MEMO1: variants seen among roughly 807,000 people sequenced by gnomAD.
MEMO1 encodes protein MEMO1.
A neutral mutation model predicts 45.2 loss-of-function variants in MEMO1; 6 were observed. The observed-to-expected ratio is 0.13, with a 90% CI of 0.07 to 0.26. The LOEUF is 0.26. Ranked by LOEUF, MEMO1 falls within the 10% of genes least tolerant of loss-of-function variation. The pLI is 1.00. For missense variants in MEMO1, 184 were observed against 370.5 expected (o/e 0.50, Z 4.13); for synonymous variants, 78 against 124.3 (o/e 0.63, Z 2.48).
intron 6 of MEMO1, among the ~76,000 whole-genome samples, chr2:31,893,526 G>T (rs1349184296): frequency 2.0e-5 from 3 of 152,112 alleles, no homozygotes; most frequent in Non-Finnish European, 1.5e-5. Context: ...GATAATCAAA[G>T]TGTCTGTGAG....
intron 4 of MEMO1, among the ~76,000 whole-genome samples, chr2:31,929,510 C>T (rs1312351549): frequency 6.6e-6 from 1 of 152,164 alleles, no homozygotes; most frequent in Admixed American, 6.5e-5. Flanking sequence ...TGTTAATACC[C>T]TTATCTAACT....
chr2:31,943,514 GATGTTA>G, intron 2 of MEMO1, 131 bp from the exon 3 acceptor site: 1 of 700,534 alleles, frequency 1.4e-6, no homozygotes, highest in Non-Finnish European at 2.5e-6. Context: ...CATCAGTTGG[GATGTTA>G]ATGTTTGAAT....
intron 2 of MEMO1, among the ~76,000 whole-genome samples, chr2:31,962,527 T>C (rs1572824793): frequency 6.6e-6 from 1 of 152,116 alleles, no homozygotes; most frequent in East Asian, 1.9e-4. Context: ...CAAACATCAA[T>C]ATGACACTGA....
At chr2:31,933,683 T>C (rs199981352) in intron 3 of MEMO1, among the ~76,000 whole-genome samples, 17 of 151,984 alleles carry the variant, frequency 1.1e-4, no homozygotes, top group Admixed American at 1.0e-3. Flanking sequence ...TGGCGTTTAA[T>C]TGGGAGCTCA....
chr2:31,903,905 CAG>C (rs1679257138), intron 6 of MEMO1, among the ~76,000 whole-genome samples: 1 of 152,180 alleles, frequency 6.6e-6, no homozygotes, highest in African/African-American at 2.4e-5. Flanking sequence ...ATTCTACGTC[CAG>C]AGAGAAGCCA....
chr2:32,010,107 G>T, intron 2 of MEMO1, 80 bp downstream of exon 2: 1 of 726,992 alleles, frequency 1.4e-6, no homozygotes, highest in Non-Finnish European at 1.7e-6. Context: ...CCGCCGCGGG[G>T]CCGGGCCGCC....
intron 6 of MEMO1, among the ~76,000 whole-genome samples, chr2:31,909,351 T>C (rs1011846780): frequency 2.6e-5 from 4 of 152,162 alleles, no homozygotes; most frequent in African/African-American, 9.7e-5. Flanking sequence ...GTCTTATATT[T>C]AGAAAAACCT....
At chr2:31,904,684 A>G (rs1314738921) in intron 6 of MEMO1, among the ~76,000 whole-genome samples, 11 of 152,208 alleles carry the variant, frequency 7.2e-5, no homozygotes, top group Non-Finnish European at 1.5e-5. Flanking sequence ...TGCACAGTCC[A>G]GTTCCTAACA....
chr2:31,933,317 T>TAAAAAAA (rs34487390), intron 3 of MEMO1, among the ~76,000 whole-genome samples: 2 of 24,110 alleles, frequency 8.3e-5, no homozygotes, highest in Non-Finnish European at 1.3e-4. Context: ...ACCACCTCTT[T>TAAAAAAA]AAAAAAAAAA....
At chr2:31,898,655 G>A (rs1157816755) in intron 6 of MEMO1, among the ~76,000 whole-genome samples, 7 of 152,126 alleles carry the variant, frequency 4.6e-5, no homozygotes, top group Non-Finnish European at 1.5e-5. Flanking sequence ...TTTAGAATGA[G>A]TGCAATGTGC....
At chr2:31,929,475 G>A (rs1572712697) in intron 4 of MEMO1, among the ~76,000 whole-genome samples, 4 of 152,088 alleles carry the variant, frequency 2.6e-5, no homozygotes, top group Admixed American at 2.6e-4. Context: ...CAAATTAGCT[G>A]TGGCTTGAAA....
At chr2:31,899,714 C>T (rs185797838) in intron 6 of MEMO1, among the ~76,000 whole-genome samples, 14 of 152,262 alleles carry the variant, frequency 9.2e-5, no homozygotes, top group African/African-American at 2.4e-4. Context: ...AGCTTCTTCA[C>T]GGCAAAAGAA....
intron 2 of MEMO1, among the ~76,000 whole-genome samples, chr2:31,957,671 C>CA (rs1393155420): frequency 3.3e-5 from 5 of 152,188 alleles, no homozygotes; most frequent in Non-Finnish European, 7.3e-5. Context: ...ATCTAGAGAA[C>CA]AGTCAAGACA....
rs1558514234 is a variant in MEMO1 at position 31,933,346 on chromosome 2, AAAATT to A, written c.144-1216_144-1212del. Among the ~76,000 whole-genome samples the A allele has an allele frequency of 2.2e-3, 55 of 25,504 alleles. 1 individual carries two copies. Among genetic ancestry groups the A allele is most frequent in the African/African-American group, 7.3e-3 (46 of 6,278 alleles). 16.7% of individuals were successfully genotyped at this position (25,504 alleles called of 152,430 possible). A position where few individuals can be genotyped will look rare whatever the true frequency, so the allele number is the denominator to read the frequency against. Reference sequence around the variant, plus strand: ...AAAAAAAAAAAAAAAAAAAAAAAAAAAAATTTATATATATATATATATATATATAT... The same window carrying A: ...AAAAAAAAAAAAAAAAAAAAAAAAAATATATATATATATATATATATATAT... On this transcript the variant is annotated intron_variant, in intron 3 of 9. Transcript: ENST00000404530.
chr2:31,966,028 A>G (rs914495779), intron 2 of MEMO1, among the ~76,000 whole-genome samples: 2 of 152,370 alleles, frequency 1.3e-5, no homozygotes, highest in East Asian at 1.9e-4. Flanking sequence ...GGAGTGGTTA[A>G]GCATTAAATG....
chr2:31,909,325 G>C (rs1464853080), intron 6 of MEMO1, among the ~76,000 whole-genome samples: 1 of 152,130 alleles, frequency 6.6e-6, no homozygotes, highest in African/African-American at 2.4e-5. Flanking sequence ...AATTATCCTT[G>C]TTTGCAGGTG....
intron 2 of MEMO1, among the ~76,000 whole-genome samples, chr2:31,979,354 C>T (rs892534591): frequency 6.6e-6 from 1 of 152,176 alleles, no homozygotes; most frequent in Non-Finnish European, 1.5e-5. Flanking sequence ...ACAATAATCA[C>T]ATATAGGAAT....
intron 6 of MEMO1, among the ~76,000 whole-genome samples, chr2:31,906,644 G>A (rs1308537274): frequency 6.6e-6 from 1 of 152,066 alleles, no homozygotes; most frequent in Admixed American, 6.6e-5. Context: ...TTCTTCTTCA[G>A]TCCCAATCAT....
chr2:31,941,757 T>C (rs1665642882), intron 3 of MEMO1, among the ~76,000 whole-genome samples: 1 of 152,220 alleles, frequency 6.6e-6, no homozygotes. Flanking sequence ...AAAAGTTGCA[T>C]GTCACATAGC....
Sources: gnomAD v4.1 joint callset for allele counts (sites outside exome capture counted in the v4.1 genomes callset) on GRCh38, gnomAD v4.1.1 for gene constraint, MANE v1.5 for transcripts, NCBI Gene and HGNC (gene_info 2026-07-23, HGNC 2026-07-21) for gene names.